NPAS2: variants seen among roughly 807,000 people sequenced by gnomAD.
The protein encoded by NPAS2 is neuronal PAS domain-containing protein 2.
Under a neutral mutation model 107.5 loss-of-function variants are expected in NPAS2, and 23 were observed. The observed-to-expected ratio is 0.21, with a 90% CI of 0.15 to 0.30. The LOEUF (loss-of-function observed/expected upper bound fraction) is 0.30, where lower values mean the gene tolerates loss of function less well. NPAS2 is among the 10% of genes least tolerant of loss of function. The pLI, the probability that NPAS2 is intolerant of heterozygous loss-of-function variation, is 1.00. For missense variants in NPAS2, 756 were observed against 1,043.3 expected, an observed-to-expected ratio of 0.72 and a Z score of 3.79; for synonymous variants, 403 against 417.5, an observed-to-expected ratio of 0.97 and a Z score of 0.42.
chr2:100,881,344 A>G (rs1680323740), intron 1 of NPAS2, among the ~76,000 whole-genome samples: 1 of 152,094 alleles, frequency 6.6e-6, no homozygotes, highest in South Asian at 2.1e-4. Context: ...GTCAGAATCC[A>G]TACTTTAGCA....
chr2:100,888,521 T>C (rs1203861998), intron 1 of NPAS2, among the ~76,000 whole-genome samples: 1 of 152,202 alleles, frequency 6.6e-6, no homozygotes, highest in Non-Finnish European at 1.5e-5. Flanking sequence ...GAAGTGCTAG[T>C]AGATGTACAT....
chr2:100,877,767 G>A (rs570395867), intron 1 of NPAS2, among the ~76,000 whole-genome samples: 38 of 152,256 alleles, frequency 2.5e-4, no homozygotes, highest in Admixed American at 1.9e-3. Context: ...GAAGCAGCTT[G>A]GCTTGGCATC....
chr2:100,830,686 A>G (rs1676675677), intron 1 of NPAS2, among the ~76,000 whole-genome samples: 1 of 152,128 alleles, frequency 6.6e-6, no homozygotes, highest in Admixed American at 6.6e-5. Context: ...GAGTATTTTC[A>G]CAAATAGTCC....
intron 1 of NPAS2, among the ~76,000 whole-genome samples, chr2:100,855,364 C>T (rs1052605895): frequency 3.3e-5 from 5 of 152,150 alleles, no homozygotes; most frequent in South Asian, 2.1e-4. Context: ...ACGAAGGCCT[C>T]GACCGCGGGT....
At chr2:100,943,295 G>C (rs975643871) in intron 5 of NPAS2, among the ~76,000 whole-genome samples, 12 of 152,246 alleles carry the variant, frequency 7.9e-5, no homozygotes, top group African/African-American at 2.9e-4. Flanking sequence ...TTACCAATGA[G>C]ATTGAGTGTC....
chr2:100,970,888 G>C, intron 11 of NPAS2, 102 bp from the exon 12 acceptor site: 2 of 944,620 alleles, frequency 2.1e-6, no homozygotes, highest in Non-Finnish European at 3.3e-6. Context: ...GGGGGGCAGG[G>C]GTTACGTAGA....
At chr2:100,864,873 G>A (rs1679161302) in intron 1 of NPAS2, among the ~76,000 whole-genome samples, 1 of 152,168 alleles carries the variant, frequency 6.6e-6, no homozygotes, top group Admixed American at 6.5e-5. Flanking sequence ...ATTTAAAAAT[G>A]TTTATTAATT....
At chr2:100,822,012 A>G (rs1676101340) in intron 1 of NPAS2, among the ~76,000 whole-genome samples, 1 of 152,218 alleles carries the variant, frequency 6.6e-6, no homozygotes, top group Admixed American at 6.5e-5. Context: ...TCTCACAGAG[A>G]GATGTGGAGT....
chr2:100,940,192 G>T (rs1426182648), intron 5 of NPAS2, among the ~76,000 whole-genome samples: 1 of 152,214 alleles, frequency 6.6e-6, no homozygotes, highest in Non-Finnish European at 1.5e-5. Context: ...AGACCTCTAT[G>T]ACTTCCACTA....
intron 1 of NPAS2, among the ~76,000 whole-genome samples, chr2:100,888,543 A>G (rs891567168): frequency 2.0e-5 from 3 of 152,098 alleles, no homozygotes; most frequent in Non-Finnish European, 4.4e-5. Context: ...TTATCCCCCC[A>G]CCCCATAGTT....
chr2:100,859,695 T>G (rs1438028869), intron 1 of NPAS2, among the ~76,000 whole-genome samples: 1 of 151,832 alleles, frequency 6.6e-6, no homozygotes, highest in Non-Finnish European at 1.5e-5. Flanking sequence ...TGGTTAGAGG[T>G]ATAGGTGCAG....
In NPAS2 at chr2:100,835,768, C is replaced by T. The variant is rs75737776; in HGVS notation, c.-23+15354C>T. Among the ~76,000 whole-genome samples, 50 of 152,234 alleles carry T rather than the reference C, an allele frequency of 3.3e-4. 1 individual carries two copies. In the East Asian group the frequency reaches 8.7e-3, roughly 27 times the overall value. ...GTCAAACAGCTTTTCACCTGGGTCT[C>T]ATCATCCCGGGCCTGGAAAACCCGA... On this transcript the variant is annotated intron_variant, in intron 1 of 20. Coordinates refer to ENST00000335681, the MANE Select transcript of NPAS2 (RefSeq NM_002518.4).
chr2:100,837,478 C>T (rs1464118008), intron 1 of NPAS2, among the ~76,000 whole-genome samples: 2 of 151,892 alleles, frequency 1.3e-5, no homozygotes, highest in Admixed American at 6.6e-5. Flanking sequence ...TTAGTAGAGA[C>T]GGTTTTGTAT....
At chr2:100,929,105 A>G (rs1683773104) in intron 3 of NPAS2, among the ~76,000 whole-genome samples, 1 of 152,184 alleles carries the variant, frequency 6.6e-6, no homozygotes, top group Non-Finnish European at 1.5e-5. Context: ...GGGTTTTGCC[A>G]CTTTGGCTAG....
intron 1 of NPAS2, among the ~76,000 whole-genome samples, chr2:100,874,057 T>G (rs909689949): frequency 2.0e-5 from 3 of 151,926 alleles, no homozygotes; most frequent in Non-Finnish European, 2.9e-5. Flanking sequence ...CTCGGCTCAC[T>G]GCAGCCTTCA....
intron 1 of NPAS2, among the ~76,000 whole-genome samples, chr2:100,831,703 G>A (rs1676749079): frequency 1.3e-5 from 2 of 152,042 alleles, no homozygotes; most frequent in African/African-American, 4.8e-5. Flanking sequence ...CAATTTGCAT[G>A]GCAATTTTTT....
intron 1 of NPAS2, among the ~76,000 whole-genome samples, chr2:100,827,149 C>A (rs147888780): frequency 1.3e-5 from 2 of 152,126 alleles, no homozygotes; most frequent in African/African-American, 4.8e-5. Context: ...GGAGACACAC[C>A]CCTCCAGTGA....
intron 1 of NPAS2, among the ~76,000 whole-genome samples, chr2:100,842,081 G>GCGCGCGCGCGCGCGCGCGCGCACACACA: frequency 6.0e-5 from 9 of 148,902 alleles, no homozygotes; most frequent in African/African-American, 2.2e-4. Flanking sequence ...GCATGTACGC[G>GCGCGCGCGCGCGCGCGCGCGCACACACA]CACACACACA....
Position 100,902,407 on chromosome 2 carries a change from T to C in NPAS2, c.-22-2326T>C, listed in dbSNP as rs1231962427. 2.6e-5 allele frequency among the ~76,000 whole-genome samples: 4 copies of C among 151,912 alleles called. No homozygotes were observed. The East Asian group carries it at 7.7e-4, about 29-fold the overall frequency. On this transcript the variant is annotated intron_variant, in intron 1 of 20. Coordinates refer to ENST00000335681, the MANE Select transcript of NPAS2 (RefSeq NM_002518.4). ...ACTCGGCCTTAAAAAGGAAGGAGAGTGTGACCCATGCAGCAACATGGATGA... is the reference window on the plus strand; with the variant it reads ...ACTCGGCCTTAAAAAGGAAGGAGAGCGTGACCCATGCAGCAACATGGATGA...
Sources: gnomAD v4.1 joint callset for allele counts (sites outside exome capture counted in the v4.1 genomes callset) on GRCh38, gnomAD v4.1.1 for gene constraint, MANE v1.5 for transcripts, NCBI Gene and HGNC (gene_info 2026-07-23, HGNC 2026-07-21) for gene names.